NOS1: variants seen among roughly 807,000 people sequenced by gnomAD.
NOS1 encodes the protein nitric oxide synthase 1.
A neutral mutation model predicts 164.5 loss-of-function variants in NOS1; 51 were observed. The ratio of observed to expected loss-of-function variants is 0.31; its 90% CI spans 0.25 to 0.39. The LOEUF (loss-of-function observed/expected upper bound fraction) is 0.39. Among genes scored for constraint, NOS1 ranks in the 10% least tolerant of loss-of-function variants. NOS1 has a pLI of 1.00. For missense variants in NOS1, 1,362 were observed against 1,885.6 expected (o/e 0.72, Z 5.14); for synonymous variants, 719 against 745.8 (o/e 0.96, Z 0.59).
chr12:117,312,099 G>C (rs1874460695), intron 2 of NOS1, among the ~76,000 whole-genome samples: 1 of 152,084 alleles, frequency 6.6e-6, no homozygotes, highest in South Asian at 2.1e-4. Context: ...AACAATAGCA[G>C]CTCAGGACAA....
chr12:117,335,004 G>A (rs2136078802), intron 1 of NOS1, among the ~76,000 whole-genome samples: 1 of 152,284 alleles, frequency 6.6e-6, no homozygotes, highest in East Asian at 1.9e-4. Flanking sequence ...CTAAACCTCA[G>A]TTCCAAAATG....
rs1956521154 is a variant in NOS1 at position 117,211,141 on chromosome 12, T to G, written c.*4168A>C. ...CCAGCTAATTTTTGTATTTTCTTAG[T>G]AGAGTCAGGGTTTCTACTAACTGGC... On this transcript the variant is annotated 3_prime_UTR_variant, in exon 29 of 29. Coordinates refer to ENST00000317775, the MANE Select transcript of NOS1 (RefSeq NM_000620.5). The G allele has an allele frequency of 2.1e-5, 14 of 663,696 alleles. No individual in the cohort carries two copies. Among genetic ancestry groups the G allele is most frequent in the Non-Finnish European group, 2.6e-5 (14 of 536,648 alleles). The allele number at this position is 663,696 out of a possible 1,614,324, so 41.1% of individuals were successfully genotyped here. A position where few individuals can be genotyped will look rare whatever the true frequency, so the allele number is the denominator to read the frequency against.
intron 26 of NOS1, among the ~76,000 whole-genome samples, chr12:117,221,796 C>T (rs183490386): frequency 1.8e-3 from 266 of 149,864 alleles, no homozygotes; most frequent in Non-Finnish European, 2.8e-3. Context: ...CAGTCATACG[C>T]CACCACGCCC....
At position 117,265,309 on chromosome 12, in the gene NOS1, G is replaced by A. The variant is rs1872297969; in HGVS notation, c.2136+7C>T. 1.1e-5 allele frequency: 17 copies of A among 1,536,316 alleles called. No homozygotes were observed. The highest frequency in any genetic ancestry group is 1.5e-5 in the Non-Finnish European group (17 of 1,136,040). ...TAATATGAAAAGAGGCAGGGACAGG[G>A]AAGGACCTGGTATTCGAAGGAGGGG... On this transcript the variant is annotated splice_region_variant and intron_variant, in intron 12 of 28. Transcript: ENST00000317775.
At chr12:117,277,841 C>T in intron 9 of NOS1, 118 bp downstream of exon 9, 1 of 1,247,630 alleles carries the variant, frequency 8.0e-7, no homozygotes, top group East Asian at 2.4e-5. Flanking sequence ...CCAAGCCCCC[C>T]TTTCCCCTTT....
chr12:117,345,851 C>T (rs925479759), intron 1 of NOS1, among the ~76,000 whole-genome samples: 4 of 152,202 alleles, frequency 2.6e-5, no homozygotes, highest in Admixed American at 2.6e-4. Flanking sequence ...AAAGCAAGAC[C>T]TTGTCTCAAA....
At chr12:117,345,238 G>T (rs750661104) in intron 1 of NOS1, among the ~76,000 whole-genome samples, 1 of 152,104 alleles carries the variant, frequency 6.6e-6, no homozygotes, top group Non-Finnish European at 1.5e-5. Context: ...GGCCAGGCTG[G>T]TCTCAAACCC....
intron 15 of NOS1, among the ~76,000 whole-genome samples, 161 bp downstream of exon 15, chr12:117,258,865 G>T (rs933015609): frequency 3.3e-5 from 5 of 152,192 alleles, no homozygotes; most frequent in Non-Finnish European, 4.4e-5. Flanking sequence ...ACTTGGAATT[G>T]TCCAACCTTT....
intron 4 of NOS1, 117 bp downstream of exon 4, chr12:117,290,181 G>T: frequency 8.0e-7 from 1 of 1,251,216 alleles, no homozygotes; most frequent in Non-Finnish European, 1.1e-6. Flanking sequence ...TGGGTCAGGG[G>T]TGGTGCTCAA....
chr12:117,218,398 A>C (rs1956645109), intron 27 of NOS1, among the ~76,000 whole-genome samples: 1 of 151,920 alleles, frequency 6.6e-6, no homozygotes, highest in South Asian at 2.1e-4. Context: ...GTTGGCAAAG[A>C]ACATTTAGGT....
At chr12:117,305,510 G>T (rs970353815) in intron 3 of NOS1, among the ~76,000 whole-genome samples, 4 of 151,898 alleles carry the variant, frequency 2.6e-5, no homozygotes, top group African/African-American at 9.7e-5. Context: ...AGGTACAGTG[G>T]CTTTGAGCAG....
At chr12:117,318,163 C>T (rs903555287) in intron 2 of NOS1, among the ~76,000 whole-genome samples, 1 of 152,098 alleles carries the variant, frequency 6.6e-6, no homozygotes, top group Non-Finnish European at 1.5e-5. Flanking sequence ...CAGAAACAGA[C>T]CCTGTCACAC....
chr12:117,361,213 C>T (rs1456477401), intron 1 of NOS1, among the ~76,000 whole-genome samples: 1 of 151,682 alleles, frequency 6.6e-6, no homozygotes, highest in Non-Finnish European at 1.5e-5. Flanking sequence ...TCCTCCCGGG[C>T]GCCCGCGGCC....
chr12:117,228,464 G>T (rs1251715724), intron 22 of NOS1, among the ~76,000 whole-genome samples: 2 of 152,206 alleles, frequency 1.3e-5, no homozygotes, highest in African/African-American at 4.8e-5. Context: ...AGAGTCTGGA[G>T]ATGCATCTTT....
intron 3 of NOS1, among the ~76,000 whole-genome samples, chr12:117,302,313 C>T (rs749665429): frequency 2.6e-5 from 4 of 152,030 alleles, no homozygotes; most frequent in Admixed American, 6.6e-5. Context: ...AATTAGTTGT[C>T]GGCCGGCGCG....
chr12:117,287,979 G>C, intron 5 of NOS1, 95 bp downstream of exon 5: 2 of 1,422,606 alleles, frequency 1.4e-6, no homozygotes, highest in Non-Finnish European at 9.8e-7. Context: ...CAGAGGCCTT[G>C]TGCCTTGGCC....
intron 1 of NOS1, among the ~76,000 whole-genome samples, chr12:117,355,800 C>G (rs1689570409): frequency 6.6e-6 from 1 of 152,128 alleles, no homozygotes; most frequent in Non-Finnish European, 1.5e-5. Flanking sequence ...GGCTCTGTTA[C>G]CCAGGATGGA....
At chr12:117,327,092 C>A (rs999790948) in intron 2 of NOS1, among the ~76,000 whole-genome samples, 4 of 152,190 alleles carry the variant, frequency 2.6e-5, no homozygotes, top group Non-Finnish European at 5.9e-5. Context: ...CTCACCCCTC[C>A]ATGCCCACCT....
chr12:117,345,663 C>T (rs374495954), intron 1 of NOS1, among the ~76,000 whole-genome samples: 1 of 152,158 alleles, frequency 6.6e-6, no homozygotes, highest in Non-Finnish European at 1.5e-5. Context: ...GTATCAGAGA[C>T]GTCTGCTACA....
Sources: gnomAD v4.1 joint callset for allele counts (sites outside exome capture counted in the v4.1 genomes callset) on GRCh38, gnomAD v4.1.1 for gene constraint, MANE v1.5 for transcripts, NCBI Gene and HGNC (gene_info 2026-07-23, HGNC 2026-07-21) for gene names.